PLEKHB1: variants seen among roughly 807,000 people sequenced by gnomAD.
The protein encoded by PLEKHB1 is pleckstrin homology domain-containing family B member 1.
In PLEKHB1, 29 loss-of-function variants were observed where a neutral mutation model predicts 36.2. That is an observed-to-expected ratio of 0.80 (90% confidence interval 0.60 to 1.09). PLEKHB1 has a LOEUF of 1.09. Among genes scored for constraint, PLEKHB1 ranks in the 50% least tolerant of loss-of-function variants. The probability of loss-of-function intolerance (pLI) is 0.00; values close to 1 mark genes in which losing one functional copy is unlikely to be tolerated. For synonymous variants in PLEKHB1, 138 were observed against 140.0 expected, an observed-to-expected ratio of 0.99 and a Z score of 0.10; for missense variants, 330 against 348.2, an observed-to-expected ratio of 0.95 and a Z score of 0.42.
chr11:73,654,539 C>G (rs560253032), intron 5 of PLEKHB1, among the ~76,000 whole-genome samples: 62 of 152,186 alleles, frequency 4.1e-4, no homozygotes, highest in African/African-American at 1.2e-3. Flanking sequence ...GATAAGGAAG[C>G]CGAGGTTCAG....
Position 73,646,716 on chromosome 11 carries a change from C to T in PLEKHB1, c.18+90C>T, listed in dbSNP as rs1283642572. On this transcript the variant is annotated intron_variant, in intron 1 of 7. Coordinates refer to ENST00000354190, the MANE Select transcript of PLEKHB1 (RefSeq NM_021200.3). ...GGGGACGGGACAGAAGTCTTTTAGG[C>T]CCTGACATCCTCTGGTCTCTGAATG... The T allele has an allele frequency of 1.1e-5, 15 of 1,357,156 alleles. No individual in the cohort carries two copies. The Admixed American group carries it at 1.4e-4, about 13-fold the overall frequency. 84.1% of individuals were successfully genotyped at this position (1,357,156 alleles called of 1,614,324 possible). A position where few individuals can be genotyped will look rare whatever the true frequency, so the allele number is the denominator to read the frequency against.
chr11:73,659,378 G>A (rs1292315557), intron 6 of PLEKHB1, among the ~76,000 whole-genome samples: 1 of 152,156 alleles, frequency 6.6e-6, no homozygotes, highest in Non-Finnish European at 1.5e-5. Flanking sequence ...AGAGATACAG[G>A]GTGGAATGGG....
chr11:73,649,927 C>A (rs1944854295), intron 2 of PLEKHB1, among the ~76,000 whole-genome samples: 1 of 152,230 alleles, frequency 6.6e-6, no homozygotes, highest in Non-Finnish European at 1.5e-5. Context: ...AGAGGCCGGG[C>A]ACAGTGGCTC....
Position 73,661,306 on chromosome 11 carries a change from G to T in PLEKHB1, c.596-160G>T, listed in dbSNP as rs1488505358. ...CGATCCAAGGCCTGGGAGCCGTAGGGTGGAGCTCTTCCCGCGTCTAGATCT... is the reference window on the plus strand; with the variant it reads ...CGATCCAAGGCCTGGGAGCCGTAGGTTGGAGCTCTTCCCGCGTCTAGATCT... On this transcript the variant is annotated intron_variant, in intron 7 of 7. Transcript: ENST00000354190. This position sits in a 1 kb window ranked among gnomAD's most constrained non-coding sequence, Gnocchi z 4.6. 6.6e-6 allele frequency among the ~76,000 whole-genome samples: 1 copy of T among 152,240 alleles called. No homozygotes were observed. The highest frequency in any genetic ancestry group is 1.5e-5 in the Non-Finnish European group (1 of 68,044).
rs774178155 is a variant in PLEKHB1, at chr11:73,649,016, C to A, written c.23C>A (p.Pro8Gln). The change falls in exon 2 of 8, where the codon CCG becomes CAG. Residue 8 changes from proline (P) to glutamine (Q), a missense_variant. Transcript: ENST00000354190. MSPAAPV[P>Q]PDSALESPFE... ...CTCCCGTGGCTCCTCTGACAGGTCC[C>A]GCCTGACTCCGCTCTGGAAAGTCCT... The A allele has an allele frequency of 6.3e-7, 1 of 1,592,118 alleles. No homozygotes were observed. The highest frequency in any genetic ancestry group is 2.3e-5 in the East Asian group (1 of 43,844).
intron 6 of PLEKHB1, among the ~76,000 whole-genome samples, chr11:73,657,600 C>A (rs1304457417): frequency 6.6e-6 from 1 of 152,198 alleles, no homozygotes; most frequent in Non-Finnish European, 1.5e-5. Context: ...ACTTCTGGGC[C>A]TCCCAGACGT....
intron 4 of PLEKHB1, chr11:73,652,116 G>A (rs1944909929): frequency 1.8e-6 from 1 of 557,182 alleles, no homozygotes; most frequent in African/African-American, 1.9e-5. Flanking sequence ...GGATTGCTGA[G>A]GGGGAGGTGT....
At chr11:73,650,510 G>T in intron 2 of PLEKHB1, 43 bp from the exon 3 acceptor site, 2 of 1,558,242 alleles carry the variant, frequency 1.3e-6, no homozygotes, top group Non-Finnish European at 8.7e-7. Flanking sequence ...TTCCCAGCAG[G>T]CTCTGGGATC....
At chr11:73,656,485 C>G (rs780868701) in intron 6 of PLEKHB1, among the ~76,000 whole-genome samples, 2 of 152,092 alleles carry the variant, frequency 1.3e-5, no homozygotes, top group Admixed American at 6.5e-5. Flanking sequence ...AGGGAATGTT[C>G]ACTGAGTGAG....
chr11:73,653,476 T>C (rs1015473848), intron 5 of PLEKHB1: 4 of 461,508 alleles, frequency 8.7e-6, no homozygotes, highest in Non-Finnish European at 1.7e-5. Flanking sequence ...ACCAAGGAGA[T>C]ATGGGCTCTG....
chr11:73,649,723 G>A (rs1298962285), intron 2 of PLEKHB1, among the ~76,000 whole-genome samples: 2 of 152,188 alleles, frequency 1.3e-5, no homozygotes, highest in Non-Finnish European at 2.9e-5. Flanking sequence ...CTGAGCAAGA[G>A]CTATCCTGGG....
chr11:73,661,627 C>A lies in PLEKHB1; in HGVS notation c.*25C>A. The A allele has an allele frequency of 6.5e-7, 1 of 1,546,404 alleles. No homozygotes were observed. The highest frequency in any genetic ancestry group is 8.7e-7 in the Non-Finnish European group (1 of 1,149,866). ...AGCCCTGGGACTCGGAGCACTGACC[C>A]CTGCGCTTGGATTGCTAGACTCCTC... On this transcript the variant is annotated 3_prime_UTR_variant, in exon 8 of 8. Coordinates refer to ENST00000354190, the MANE Select transcript of PLEKHB1 (RefSeq NM_021200.3). The surrounding 1 kb of genome is among the most constrained non-coding windows in gnomAD (Gnocchi z 4.6).
At chr11:73,660,125 G>T (rs887295843) in intron 6 of PLEKHB1, among the ~76,000 whole-genome samples, 2 of 152,142 alleles carry the variant, frequency 1.3e-5, no homozygotes, top group Non-Finnish European at 2.9e-5. Context: ...AGTATTCAGG[G>T]CAGTAGCCTG....
chr11:73,655,314 T>C (rs1944971259), intron 5 of PLEKHB1, among the ~76,000 whole-genome samples: 1 of 152,212 alleles, frequency 6.6e-6, no homozygotes, highest in Non-Finnish European at 1.5e-5. Context: ...CCTCTGTTTA[T>C]GGGCTTCTCT....
At chr11:73,657,996 C>A (rs1397144140) in intron 6 of PLEKHB1, among the ~76,000 whole-genome samples, 1 of 152,190 alleles carries the variant, frequency 6.6e-6, no homozygotes, top group East Asian at 1.9e-4. Flanking sequence ...GGAATGAATT[C>A]AATAAACATT....
At chr11:73,650,386 G>A (rs750277479) in intron 2 of PLEKHB1, 167 bp from the exon 3 acceptor site, 26 of 697,146 alleles carry the variant, frequency 3.7e-5, no homozygotes, top group Non-Finnish European at 4.4e-5. Context: ...GAGGCAGGAG[G>A]TGAACAAGAC....
At position 73,653,032 on chromosome 11, in the gene PLEKHB1, T is replaced by TC. The variant is rs765766117; in HGVS notation, c.390+23dup. ...CCACCCCGGTGAGTCTCCCGTTCTC[T>TC]CCCCCTTTCCCCACCACCTCCATGT... is the stretch of plus-strand genomic sequence containing the variant. On this transcript the variant is annotated intron_variant, in intron 5 of 7. Coordinates refer to ENST00000354190, the MANE Select transcript of PLEKHB1 (RefSeq NM_021200.3). The TC allele has an allele frequency of 6.2e-7, 1 of 1,601,382 alleles. No individual in the cohort carries two copies. The highest frequency in any genetic ancestry group is 8.5e-7 in the Non-Finnish European group (1 of 1,171,386).
chr11:73,656,266 T>G (rs1944992938), intron 6 of PLEKHB1, among the ~76,000 whole-genome samples: 1 of 152,202 alleles, frequency 6.6e-6, no homozygotes, highest in African/African-American at 2.4e-5. Flanking sequence ...CACCAAGGCT[T>G]AGTGCTTTCT....
intron 2 of PLEKHB1, 75 bp from the exon 3 acceptor site, chr11:73,650,478 G>A: frequency 6.8e-7 from 1 of 1,465,818 alleles, no homozygotes; most frequent in Non-Finnish European, 9.1e-7. Flanking sequence ...GAGGGGACTT[G>A]GGAGTCTGTC....
Sources: gnomAD v4.1 joint callset for allele counts (sites outside exome capture counted in the v4.1 genomes callset) on GRCh38, gnomAD v4.1.1 for gene constraint, Gnocchi (gnomAD v3.1) non-coding constraint, MANE v1.5 for transcripts, NCBI Gene and HGNC (gene_info 2026-07-23, HGNC 2026-07-21) for gene names.